RRM2: variants seen among roughly 807,000 people sequenced by gnomAD.
RRM2 encodes ribonucleotide reductase regulatory subunit M2.
RRM2 carries 6 observed loss-of-function variants against 45.9 expected under a neutral mutation model. The observed-to-expected ratio is 0.13, with a 90% CI of 0.07 to 0.26. The LOEUF is 0.26. Ranked by LOEUF, RRM2 falls within the 10% of genes least tolerant of loss-of-function variation. The pLI is 1.00. For synonymous variants in RRM2, 177 were observed against 173.0 expected (o/e 1.02, Z -0.18); for missense variants, 343 against 489.5 (o/e 0.70, Z 2.82).
chr2:10,159,516 C>T (rs925781435), intron 3 of RRM2, among the ~76,000 whole-genome samples: 1 of 152,210 alleles, frequency 6.6e-6, no homozygotes, highest in Non-Finnish European at 1.5e-5. Context: ...CCAGATCAGA[C>T]ACAGGGTCTT....
chr2:10,187,072 A>G (rs922614214), intron 3 of RRM2, among the ~76,000 whole-genome samples: 2 of 152,318 alleles, frequency 1.3e-5, no homozygotes, highest in African/African-American at 4.8e-5. Context: ...GCCTTTGCCC[A>G]GCCTCCTGGT....
chr2:10,129,041 G>A lies in RRM2; in HGVS notation c.904G>A (p.Glu302Lys), dbSNP rs1662842642. ...TCAGAAGCTGTATTTTGGTTCCTAG[G>A]AGTTCCTCACTGAGGCCTTGCCTGT... ...IIINAVRIEQ[E>K]FLTEALPVKL... The change falls in exon 9 of 10, where the codon GAG becomes AAG. Residue 302 changes from glutamate (E) to lysine (K), a missense_variant and splice_region_variant. This residue lies in a region of RRM2 where 212 missense variants were observed against 368.1 expected (regional missense o/e 0.58). Transcript: ENST00000304567. This position sits in a 1 kb window ranked among gnomAD's most constrained non-coding sequence, Gnocchi z 4.8. 6.2e-7 allele frequency: 1 copy of A among 1,613,992 alleles called. No individual in the cohort carries two copies. Among genetic ancestry groups the A allele is most frequent in the Non-Finnish European group, 8.5e-7 (1 of 1,179,878 alleles).
At chr2:10,189,323 G>A (rs1664235412) in intron 3 of RRM2, among the ~76,000 whole-genome samples, 1 of 152,240 alleles carries the variant, frequency 6.6e-6, no homozygotes, top group Non-Finnish European at 1.5e-5. Context: ...CTAGAGGGGA[G>A]ATGAATGTGA....
intron 3 of RRM2, among the ~76,000 whole-genome samples, chr2:10,142,999 G>A (rs11901208): frequency 0.051 from 7,842 of 152,280 alleles, 670 homozygotes; most frequent in African/African-American, 0.18. Context: ...TCAGCCTCCC[G>A]TGTAGCTGGG....
At chr2:10,164,165 C>A (rs528620053) in intron 3 of RRM2, among the ~76,000 whole-genome samples, 1 of 151,722 alleles carries the variant, frequency 6.6e-6, no homozygotes, top group African/African-American at 2.4e-5. Context: ...TTGAATGGAG[C>A]CCAGGGTGTA....
chr2:10,209,599 G>T (rs1318178695), intron 3 of RRM2, among the ~76,000 whole-genome samples: 1 of 110,866 alleles, frequency 9.0e-6, no homozygotes, highest in Non-Finnish European at 1.9e-5. Flanking sequence ...GTGCGCGCGC[G>T]TGTGTGTGCG....
Position 10,189,160 on chromosome 2 carries a change from C to T in RRM2, n.483-21151C>T, listed in dbSNP as rs73914001. ...AGGCACTGTCTGGCCCCAGAACACA[C>T]GCCCTTCCCACCTGGCCGAGGAGGT... On this transcript the variant is annotated intron_variant and non_coding_transcript_variant, in intron 3 of 3. Transcript: ENST00000381786. 7.0e-3 allele frequency among the ~76,000 whole-genome samples: 1,067 copies of T among 152,368 alleles called. 16 individuals are homozygous for T. The highest frequency in any genetic ancestry group is 0.024 in the African/African-American group (999 of 41,582).
chr2:10,202,180 C>G (rs1369269402), intron 3 of RRM2, among the ~76,000 whole-genome samples: 1 of 152,176 alleles, frequency 6.6e-6, no homozygotes, highest in African/African-American at 2.4e-5. Flanking sequence ...TCACAACTAG[C>G]CCAAACCTTC....
intron 3 of RRM2, among the ~76,000 whole-genome samples, chr2:10,177,921 CTTT>C (rs1314547237): frequency 7.1e-6 from 1 of 141,554 alleles, no homozygotes; most frequent in African/African-American, 2.6e-5. Context: ...TGCGCTCAAG[CTTT>C]TTTTTTTTTT....
At chr2:10,164,615 A>G (rs897006464) in intron 3 of RRM2, among the ~76,000 whole-genome samples, 1 of 152,158 alleles carries the variant, frequency 6.6e-6, no homozygotes, top group Admixed American at 6.5e-5. Flanking sequence ...AAACAGTTTG[A>G]ATGCCATCCC....
At chr2:10,192,802 A>G (rs1348268372) in intron 3 of RRM2, 2 of 152,800 alleles carry the variant, frequency 1.3e-5, no homozygotes, top group Non-Finnish European at 2.9e-5. Flanking sequence ...TCGGACCCTG[A>G]ACCCCCAGCT....
chr2:10,154,203 G>A (rs965780102), intron 3 of RRM2, among the ~76,000 whole-genome samples: 2 of 152,196 alleles, frequency 1.3e-5, no homozygotes, highest in African/African-American at 4.8e-5. Flanking sequence ...GCTGGGCGTG[G>A]TGGCTCACGC....
chr2:10,165,450 A>T (rs1038948430), intron 3 of RRM2, among the ~76,000 whole-genome samples: 2 of 152,338 alleles, frequency 1.3e-5, no homozygotes, highest in African/African-American at 4.8e-5. Flanking sequence ...GTGTGGAAAG[A>T]AGGGCAGACC....
chr2:10,126,801 T>C, intron 5 of RRM2, 74 bp from the exon 6 acceptor site: 2 of 1,118,448 alleles, frequency 1.8e-6, no homozygotes, highest in Non-Finnish European at 2.6e-6. Flanking sequence ...GTCCCAGAGC[T>C]CTTATCTAGC....
chr2:10,199,289 G>GGGC (rs1553329244), intron 3 of RRM2: 1 of 24,500 alleles, frequency 4.1e-5, no homozygotes, highest in Admixed American at 3.3e-4. Flanking sequence ...AAAAAAAAAA[G>GGGC]GGGGGGGGGA....
chr2:10,182,500 A>G (rs1347280420), intron 3 of RRM2, among the ~76,000 whole-genome samples: 1 of 152,196 alleles, frequency 6.6e-6, no homozygotes, highest in Non-Finnish European at 1.5e-5. Context: ...AAAAATAAAT[A>G]TACACAGTTT....
upstream of RRM2, among the ~76,000 whole-genome samples, chr2:10,139,185 C>G (rs541786696): frequency 1.3e-5 from 2 of 152,114 alleles, no homozygotes; most frequent in Non-Finnish European, 2.9e-5. Flanking sequence ...AACATCTTGC[C>G]CACCCCAAAA....
rs1012470693 is a variant in RRM2 at position 10,171,015 on chromosome 2, C to A, written n.482+28640C>A. Among the ~76,000 whole-genome samples the A allele has an allele frequency of 7.2e-5, 11 of 152,220 alleles. No homozygotes were observed. Among genetic ancestry groups the A allele is most frequent in the African/African-American group, 2.4e-4 (10 of 41,456 alleles). On this transcript the variant is annotated intron_variant and non_coding_transcript_variant, in intron 3 of 3. Transcript: ENST00000381786. This position sits in a 1 kb window ranked among gnomAD's most constrained non-coding sequence, Gnocchi z 4.1. Reference sequence around the variant, plus strand: ...GCTCCTTTGAGATGCGGGGCTCAGGCCTCATCAGGGGAAACGTGGGCATCT... The same window carrying A: ...GCTCCTTTGAGATGCGGGGCTCAGGACTCATCAGGGGAAACGTGGGCATCT...
At chr2:10,157,330 C>T (rs892005089) in intron 3 of RRM2, among the ~76,000 whole-genome samples, 35 of 152,266 alleles carry the variant, frequency 2.3e-4, no homozygotes, top group African/African-American at 8.2e-4. Flanking sequence ...GCAACTGGCC[C>T]TAATAGACAT....
Sources: allele counts gnomAD v4.1 joint callset (sites outside exome capture counted in the v4.1 genomes callset), GRCh38; gene constraint gnomAD v4.1.1; regional missense constraint gnomAD v4.1.1; non-coding constraint Gnocchi (gnomAD v3.1); transcripts MANE v1.5; gene names NCBI Gene and HGNC (gene_info 2026-07-23, HGNC 2026-07-21).